DCAF4: variants seen among roughly 807,000 people sequenced by gnomAD.
DCAF4 encodes DDB1 and CUL4 associated factor 4, also known as DDB1- and CUL4-associated factor 4.
In DCAF4, 37 loss-of-function variants were observed where a neutral mutation model predicts 60.9. The ratio of observed to expected loss-of-function variants is 0.61; its 90% CI spans 0.47 to 0.80. The LOEUF is 0.80. Among genes scored for constraint, DCAF4 ranks in the 30% least tolerant of loss-of-function variants. The probability of loss-of-function intolerance (pLI) is 0.00; values close to 1 mark genes in which losing one functional copy is unlikely to be tolerated. For missense variants in DCAF4, 577 were observed against 650.0 expected (o/e 0.89, Z 1.22); for synonymous variants, 243 against 254.8 (o/e 0.95, Z 0.44).
At chr14:72,960,579 TTC>T, downstream of DCAF4, 1 of 1,050,986 alleles carries the variant, frequency 9.5e-7, no homozygotes, top group East Asian at 7.8e-5. Flanking sequence ...GTCTTCTGTA[TTC>T]TCTTTCCCAC....
downstream of DCAF4, among the ~76,000 whole-genome samples, chr14:72,961,445 C>G (rs911091659): frequency 6.6e-6 from 1 of 152,248 alleles, no homozygotes; most frequent in Non-Finnish European, 1.5e-5. Flanking sequence ...CCTCTACTCA[C>G]ATGATCCTTT....
intron 6 of DCAF4, among the ~76,000 whole-genome samples, chr14:72,945,502 A>G (rs1249470208): frequency 6.6e-6 from 1 of 151,522 alleles, no homozygotes; most frequent in African/African-American, 2.4e-5. Flanking sequence ...GTGCCTATGT[A>G]ATAGGAACTA....
intron 1 of DCAF4, chr14:72,929,959 G>T: frequency 1.2e-6 from 1 of 805,288 alleles, no homozygotes; most frequent in Non-Finnish European, 2.0e-6. Flanking sequence ...CGGCCGTGGC[G>T]GAAGGCCAAA....
At chr14:72,956,954 C>T (rs778312945) in intron 13 of DCAF4, 12 of 201,326 alleles carry the variant, frequency 6.0e-5, no homozygotes, top group African/African-American at 2.1e-4. Context: ...GGCTCACGCC[C>T]GTAATCCCAA....
intron 4 of DCAF4, chr14:72,940,591 G>GTTTT (rs60174440): frequency 8.2e-4 from 234 of 285,102 alleles, no homozygotes; most frequent in East Asian, 1.5e-3. Flanking sequence ...TCGATAAGTT[G>GTTTT]TTTTTTTTTT....
At chr14:72,951,955 T>C in intron 9 of DCAF4, 78 bp downstream of exon 9, 2 of 1,466,450 alleles carry the variant, frequency 1.4e-6, no homozygotes, top group South Asian at 2.3e-5. Flanking sequence ...GAGAGAAGTA[T>C]GGGGCCGCTG....
At chr14:72,945,405 T>A (rs1295129669) in intron 6 of DCAF4, among the ~76,000 whole-genome samples, 2 of 150,122 alleles carry the variant, frequency 1.3e-5, no homozygotes, top group African/African-American at 4.9e-5. Flanking sequence ...TAAAAAAAAA[T>A]AGCCTACATT....
At chr14:72,939,299 C>T (rs1309351196) in intron 2 of DCAF4, among the ~76,000 whole-genome samples, 1 of 152,160 alleles carries the variant, frequency 6.6e-6, no homozygotes, top group South Asian at 2.1e-4. Flanking sequence ...GTGTTTTAGC[C>T]GCAGCTCTAT....
chr14:72,944,152 G>A (rs964806600), intron 6 of DCAF4, among the ~76,000 whole-genome samples: 6 of 152,102 alleles, frequency 3.9e-5, no homozygotes, highest in Non-Finnish European at 7.3e-5. Flanking sequence ...TGGACATCTC[G>A]ACCCTCATGC....
chr14:72,930,916 T>C (rs1279928217), intron 1 of DCAF4, among the ~76,000 whole-genome samples: 1 of 152,184 alleles, frequency 6.6e-6, no homozygotes, highest in East Asian at 1.9e-4. Context: ...CAGTTGACCA[T>C]AGATAGGCAT....
intron 1 of DCAF4, chr14:72,929,987 C>G: frequency 1.5e-6 from 1 of 681,934 alleles, no homozygotes; most frequent in South Asian, 1.7e-5. Context: ...TTTAAATTAG[C>G]CTGGTGTTGT....
downstream of DCAF4, chr14:72,960,873 C>G (rs891995634): frequency 1.2e-5 from 2 of 160,494 alleles, no homozygotes; most frequent in South Asian, 2.0e-4. Flanking sequence ...TATGTCAGGC[C>G]CCCCCCACCT....
At chr14:72,944,738 G>A (rs1318345265) in intron 6 of DCAF4, among the ~76,000 whole-genome samples, 1 of 152,120 alleles carries the variant, frequency 6.6e-6, no homozygotes, top group Non-Finnish European at 1.5e-5. Flanking sequence ...GATGCAGTGA[G>A]CCATGATTGT....
chr14:72,942,465 C>T (rs1185344813), intron 5 of DCAF4: 1 of 155,984 alleles, frequency 6.4e-6, no homozygotes, highest in East Asian at 1.9e-4. Context: ...GCCCTCGGAC[C>T]TTGGAGCAGG....
At chr14:72,929,359 G>A (rs1341997269) in intron 1 of DCAF4, among the ~76,000 whole-genome samples, 2 of 152,202 alleles carry the variant, frequency 1.3e-5, no homozygotes, top group Non-Finnish European at 2.9e-5. Context: ...CACATATTCT[G>A]TGCACTACAT....
chr14:72,942,600 G>C (rs1222624885), intron 5 of DCAF4: 1 of 180,966 alleles, frequency 5.5e-6, no homozygotes, highest in Non-Finnish European at 1.2e-5. Context: ...CGAAACAAGA[G>C]GCGGCCGTAT....
intron 5 of DCAF4, 78 bp downstream of exon 5, chr14:72,941,902 A>T (rs1890096369): frequency 6.7e-7 from 1 of 1,485,182 alleles, no homozygotes; most frequent in Non-Finnish European, 9.4e-7. Context: ...ATAAGAATCC[A>T]GTCTGGATAG....
intron 8 of DCAF4, among the ~76,000 whole-genome samples, chr14:72,949,280 T>C (rs1017328217): frequency 6.6e-6 from 1 of 151,846 alleles, no homozygotes; most frequent in Non-Finnish European, 1.5e-5. Context: ...AAGACCTCTC[T>C]ACAAAAAAAA....
chr14:72,962,062 C>T (rs1216389766), downstream of DCAF4: 1 of 1,035,202 alleles, frequency 9.7e-7, no homozygotes, highest in Non-Finnish European at 1.2e-6. Context: ...GGTGAACTCT[C>T]AATGTTATTT....
Sources: gnomAD v4.1 joint callset for allele counts (sites outside exome capture counted in the v4.1 genomes callset) on GRCh38, gnomAD v4.1.1 for gene constraint, MANE v1.5 for transcripts, NCBI Gene and HGNC (gene_info 2026-07-23, HGNC 2026-07-21) for gene names.